Variants in ANKRD30B observed in about 807,000 individuals in gnomAD.
ANKRD30B encodes ankyrin repeat domain-containing protein 30B.
In ANKRD30B, 144 loss-of-function variants were observed where a neutral mutation model predicts 202.2. That is an observed-to-expected ratio of 0.71 (90% CI 0.62 to 0.82). ANKRD30B has a LOEUF of 0.82. ANKRD30B is among the 40% of genes least tolerant of loss of function. The probability of loss-of-function intolerance (pLI) is 0.00; values close to 1 mark genes in which losing one functional copy is unlikely to be tolerated. For missense variants in ANKRD30B, 1,487 were observed against 1,669.1 expected, an observed-to-expected ratio of 0.89 and a Z score of 1.90; for synonymous variants, 508 against 561.3, an observed-to-expected ratio of 0.91 and a Z score of 1.34.
chr18:14,767,479 T>C (rs1782317699), intron 7 of ANKRD30B, among the ~76,000 whole-genome samples: 1 of 152,182 alleles, frequency 6.6e-6, no homozygotes, highest in African/African-American at 2.4e-5. Flanking sequence ...TCTCAAAGTG[T>C]CTTGTATTGT....
chr18:14,907,508 G>A, the ANKRD30B span, among the ~76,000 whole-genome samples: 2 of 152,186 alleles, frequency 1.3e-5, no homozygotes, highest in East Asian at 1.9e-4. Flanking sequence ...GGGAGAGGGC[G>A]TAGGAGCGGC....
chr18:14,861,834 AT>A, the ANKRD30B span, among the ~76,000 whole-genome samples: 851 of 152,328 alleles, frequency 5.6e-3, 6 homozygotes, highest in African/African-American at 0.02. Flanking sequence ...CAGAATGTAC[AT>A]TTTTCTCATT....
At chr18:14,876,089 G>T in the ANKRD30B span, among the ~76,000 whole-genome samples, 1 of 151,816 alleles carries the variant, frequency 6.6e-6, no homozygotes, top group South Asian at 2.1e-4. Context: ...TGGGTCGTGA[G>T]AATCCTAAAA....
chr18:14,908,984 GTC>G, the ANKRD30B span, among the ~76,000 whole-genome samples: 18 of 152,308 alleles, frequency 1.2e-4, no homozygotes, highest in South Asian at 3.7e-3. Flanking sequence ...GAAGGGCTGG[GTC>G]TCTCTGGAAG....
At chr18:14,754,770 G>A (rs957942641) in intron 3 of ANKRD30B, 129 bp from the exon 4 acceptor site, 50 of 559,778 alleles carry the variant, frequency 8.9e-5, no homozygotes, top group Non-Finnish European at 1.3e-4. Flanking sequence ...AGAAAGAAGG[G>A]ACTGCTATTG....
intron 7 of ANKRD30B, among the ~76,000 whole-genome samples, chr18:14,768,449 T>C (rs1246534274): frequency 2.0e-5 from 3 of 152,190 alleles, no homozygotes; most frequent in Admixed American, 2.0e-4. Context: ...TGAAACCAGC[T>C]GGTTAGATGA....
chr18:14,876,606 T>C, the ANKRD30B span, among the ~76,000 whole-genome samples: 1 of 152,204 alleles, frequency 6.6e-6, no homozygotes. Flanking sequence ...TCAGGTTAGA[T>C]TTAAGGAAGG....
chr18:14,796,649 C>A (rs188735978), intron 18 of ANKRD30B, among the ~76,000 whole-genome samples: 40 of 152,232 alleles, frequency 2.6e-4, no homozygotes, highest in African/African-American at 9.4e-4. Context: ...CAGCAGCCTG[C>A]AATACAATGG....
chr18:14,761,286 C>G (rs1436196853), intron 6 of ANKRD30B, among the ~76,000 whole-genome samples: 4 of 152,198 alleles, frequency 2.6e-5, no homozygotes, highest in Non-Finnish European at 4.4e-5. Context: ...GGGTTCCGAG[C>G]CCATTACAGA....
chr18:14,753,066 G>C (rs1451198933), intron 3 of ANKRD30B, 54 bp downstream of exon 3: 2 of 1,396,078 alleles, frequency 1.4e-6, no homozygotes, highest in Non-Finnish European at 1.9e-6. Flanking sequence ...TTGTTTTAAT[G>C]TTAACATATG....
chr18:14,898,959 T>A, the ANKRD30B span, among the ~76,000 whole-genome samples: 1 of 152,176 alleles, frequency 6.6e-6, no homozygotes, highest in Non-Finnish European at 1.5e-5. Flanking sequence ...AATAAGTATC[T>A]CAGCAAGAAC....
At chr18:14,936,494 A>G in the ANKRD30B span, among the ~76,000 whole-genome samples, 1 of 152,110 alleles carries the variant, frequency 6.6e-6, no homozygotes, top group Admixed American at 6.5e-5. Context: ...TGGAGAAACG[A>G]GAGGCAGTGC....
chr18:14,868,657 C>G, the ANKRD30B span, among the ~76,000 whole-genome samples: 147,218 of 151,220 alleles, frequency 0.97, 71,640 homozygotes, highest in Middle Eastern at 1. Flanking sequence ...GTGGAAGAGG[C>G]GAGGCTTAGA....
chr18:14,788,137 G>T (rs183654822), intron 15 of ANKRD30B, among the ~76,000 whole-genome samples: 1 of 152,248 alleles, frequency 6.6e-6, no homozygotes, highest in Non-Finnish European at 1.5e-5. Context: ...CTATGACCAT[G>T]AATATTTTAA....
At position 14,799,117 on chromosome 18, in the gene ANKRD30B, T is replaced by C; in HGVS notation, c.2046T>C (p.Asp682=). 6.3e-7 allele frequency: 1 copy of C among 1,577,902 alleles called. No individual in the cohort carries two copies. The highest frequency in any genetic ancestry group is 8.7e-7 in the Non-Finnish European group (1 of 1,149,266). The change falls in exon 21 of 44, where the codon GAT becomes GAC. Residue 682 remains aspartate (D), a synonymous_variant. Coordinates refer to ENST00000690538, the MANE Select transcript of ANKRD30B (RefSeq NM_001367607.2). ...TTCTTTTAGAGTCTCCTGATAATGA[T>C]GGTCTTCTGAAGGTAATAACTTTTA... ...ETLKAESPDN[D]GLLKPTCGRK...
chr18:14,786,348 A>G (rs1008859467), intron 14 of ANKRD30B, among the ~76,000 whole-genome samples: 2 of 152,174 alleles, frequency 1.3e-5, no homozygotes, highest in African/African-American at 4.8e-5. Flanking sequence ...ATTTTTTCCT[A>G]TACATTTCTG....
At chr18:14,935,921 T>G in the ANKRD30B span, among the ~76,000 whole-genome samples, 1 of 152,214 alleles carries the variant, frequency 6.6e-6, no homozygotes, top group Non-Finnish European at 1.5e-5. Context: ...CACAGCTCCT[T>G]TCCTTTACCT....
chr18:14,883,369 G>GTCTCTCTC, the ANKRD30B span, among the ~76,000 whole-genome samples: 14 of 84,616 alleles, frequency 1.7e-4, no homozygotes, highest in African/African-American at 7.4e-4. Flanking sequence ...CTGTCTGTCT[G>GTCTCTCTC]TCTCTCTCTC....
intron 30 of ANKRD30B, among the ~76,000 whole-genome samples, chr18:14,817,906 A>G (rs2074678620): frequency 6.6e-6 from 1 of 152,148 alleles, no homozygotes. Flanking sequence ...ATGGTCATGT[A>G]TTTAGCCTTA....
Sources: allele counts gnomAD v4.1 joint callset (sites outside exome capture counted in the v4.1 genomes callset), GRCh38; gene constraint gnomAD v4.1.1; transcripts MANE v1.5; gene names NCBI Gene and HGNC (gene_info 2026-07-23, HGNC 2026-07-21).